NBEA: variants seen among roughly 807,000 people sequenced by gnomAD.
The protein encoded by NBEA is lysosomal-trafficking regulator 2.
In NBEA, 44 loss-of-function variants were observed where a neutral mutation model predicts 343.4. That is an observed-to-expected ratio of 0.13 (90% CI 0.10 to 0.16). The LOEUF is 0.16. Among genes scored for constraint, NBEA ranks in the 10% least tolerant of loss-of-function variants. The pLI is 1.00. For missense variants in NBEA, 2,555 were observed against 3,631.3 expected, an observed-to-expected ratio of 0.70 and a Z score of 7.62; for synonymous variants, 1,175 against 1,238.7, an observed-to-expected ratio of 0.95 and a Z score of 1.08.
At chr13:35,126,044 C>A (rs1171782400) in intron 17 of NBEA, among the ~76,000 whole-genome samples, 1 of 152,034 alleles carries the variant, frequency 6.6e-6, no homozygotes, top group African/African-American at 2.4e-5. Flanking sequence ...TGGTTGTGTC[C>A]CCCCACCTAA....
chr13:35,511,551 C>G (rs2077277089), intron 41 of NBEA, among the ~76,000 whole-genome samples: 1 of 152,072 alleles, frequency 6.6e-6, no homozygotes, highest in South Asian at 2.1e-4. Flanking sequence ...TCCACACATC[C>G]AGTATCTCTC....
chr13:35,617,677 G>T (rs1379025662), intron 48 of NBEA, among the ~76,000 whole-genome samples: 1 of 152,144 alleles, frequency 6.6e-6, no homozygotes, highest in Non-Finnish European at 1.5e-5. Context: ...TGTCTCCTGT[G>T]CTGCTTCAAC....
Position 35,155,869 on chromosome 13 carries a change from A to T in NBEA, c.2527+14A>T, listed in dbSNP as rs761449891. The T allele has an allele frequency of 1.2e-6, 2 of 1,601,114 alleles. No individual in the cohort carries two copies. Among genetic ancestry groups the T allele is most frequent in the Non-Finnish European group, 1.7e-6 (2 of 1,168,284 alleles). ...TTCAGAATCCAAGTGAGCAAATGGC[A>T]GTTCTTTACTGTATTGTGGTAGGCG... is the stretch of plus-strand genomic sequence containing the variant. On this transcript the variant is annotated intron_variant, in intron 19 of 58. Transcript: ENST00000379939.
chr13:35,504,467 C>T (rs2076998597), intron 41 of NBEA, among the ~76,000 whole-genome samples: 1 of 152,160 alleles, frequency 6.6e-6, no homozygotes, highest in Non-Finnish European at 1.5e-5. Flanking sequence ...CGTTTTGTCT[C>T]ATCTCACACC....
At chr13:35,290,311 A>G in intron 34 of NBEA, 78 bp from the exon 35 acceptor site, 1 of 923,256 alleles carries the variant, frequency 1.1e-6, no homozygotes, top group Non-Finnish European at 1.7e-6. Context: ...TATAAATTAA[A>G]ATTATATAAT....
In NBEA at chr13:35,465,102, T is replaced by C. The variant is rs533320745; in HGVS notation, c.6449-7298T>C. On this transcript the variant is annotated intron_variant, in intron 40 of 58. Transcript: ENST00000379939. ...ACTCTCATTGGTTTTCAGTATATTT[T>C]TAAATTTATATTTTCTCTAAAATAC... Among the ~76,000 whole-genome samples the C allele has an allele frequency of 2.2e-3, 331 of 152,252 alleles. 1 individual carries two copies. Among genetic ancestry groups the C allele is most frequent in the Non-Finnish European group, 3.8e-3 (258 of 67,976 alleles).
intron 30 of NBEA, among the ~76,000 whole-genome samples, chr13:35,189,293 G>A (rs1426976961): frequency 6.6e-6 from 1 of 152,026 alleles, no homozygotes; most frequent in Non-Finnish European, 1.5e-5. Flanking sequence ...CTAATAATTA[G>A]CGAAGTTGAG....
chr13:35,068,447 C>A (rs1281097153), intron 8 of NBEA, among the ~76,000 whole-genome samples: 1 of 152,102 alleles, frequency 6.6e-6, no homozygotes, highest in Non-Finnish European at 1.5e-5. Flanking sequence ...AAATTGCAGA[C>A]ACGGAAAGCT....
At chr13:35,140,479 C>G (rs2068025316) in intron 17 of NBEA, among the ~76,000 whole-genome samples, 1 of 152,172 alleles carries the variant, frequency 6.6e-6, no homozygotes, top group South Asian at 2.1e-4. Flanking sequence ...ACCTTCCCTT[C>G]CATAGTCCCA....
chr13:35,272,311 AT>A, intron 34 of NBEA, among the ~76,000 whole-genome samples: 1 of 152,300 alleles, frequency 6.6e-6, no homozygotes. Flanking sequence ...ATGCTGAGAG[AT>A]TTTGTCATCA....
chr13:35,465,185 G>T (rs768211999), intron 40 of NBEA, among the ~76,000 whole-genome samples: 28 of 151,902 alleles, frequency 1.8e-4, no homozygotes, highest in Non-Finnish European at 3.5e-4. Flanking sequence ...AAACATAAAA[G>T]ATGTAATATA....
chr13:35,062,573 G>C (rs142598572), intron 8 of NBEA, among the ~76,000 whole-genome samples: 14 of 151,814 alleles, frequency 9.2e-5, no homozygotes, highest in African/African-American at 3.4e-4. Flanking sequence ...CAAAAATAAA[G>C]AGAAAATCTT....
At chr13:35,122,135 A>G (rs1029636134) in intron 16 of NBEA, among the ~76,000 whole-genome samples, 1 of 152,208 alleles carries the variant, frequency 6.6e-6, no homozygotes, top group Non-Finnish European at 1.5e-5. Context: ...GTTAAGTTGT[A>G]TATTAGTGGA....
intron 40 of NBEA, among the ~76,000 whole-genome samples, chr13:35,468,696 C>T (rs2075507437): frequency 6.6e-6 from 1 of 151,918 alleles, no homozygotes; most frequent in Non-Finnish European, 1.5e-5. Context: ...TAATAAAACC[C>T]ACTTGTTCAA....
intron 1 of NBEA, among the ~76,000 whole-genome samples, chr13:34,952,304 A>G (rs1462360259): frequency 1.3e-5 from 2 of 152,214 alleles, no homozygotes; most frequent in Non-Finnish European, 2.9e-5. Flanking sequence ...AGGACAGGCT[A>G]TTCAGAGGAA....
chr13:35,175,411 A>G (rs187156019), intron 27 of NBEA, among the ~76,000 whole-genome samples: 211 of 152,204 alleles, frequency 1.4e-3, no homozygotes, highest in Non-Finnish European at 2.5e-3. Context: ...AAACGAATAA[A>G]TAGTATTTTG....
chr13:35,359,875 A>G (rs1047085756), intron 38 of NBEA, among the ~76,000 whole-genome samples: 3 of 150,040 alleles, frequency 2.0e-5, no homozygotes, highest in Non-Finnish European at 1.5e-5. Flanking sequence ...CTCAGTTTTT[A>G]TTATTCATTT....
At chr13:35,325,807 TA>T (rs760370643) in intron 36 of NBEA, among the ~76,000 whole-genome samples, 14 of 152,234 alleles carry the variant, frequency 9.2e-5, no homozygotes, top group East Asian at 5.8e-4. Context: ...TTTAAATTTT[TA>T]ATCTTTCTTT....
At chr13:35,561,703 A>C (rs2079864910) in intron 44 of NBEA, among the ~76,000 whole-genome samples, 1 of 152,142 alleles carries the variant, frequency 6.6e-6, no homozygotes, top group Admixed American at 6.5e-5. Context: ...TCATAGTATT[A>C]ATGCATTATG....
Sources: allele counts gnomAD v4.1 joint callset (sites outside exome capture counted in the v4.1 genomes callset), GRCh38; gene constraint gnomAD v4.1.1; transcripts MANE v1.5; gene names NCBI Gene and HGNC (gene_info 2026-07-23, HGNC 2026-07-21).